The following KAT6B variants were observed in gnomAD, a reference collection of about 807,000 sequenced individuals.
The protein encoded by KAT6B is lysine acetyltransferase 6B, also known as histone acetyltransferase KAT6B.
A neutral mutation model predicts 187.5 loss-of-function variants in KAT6B; 10 were observed. The ratio of observed to expected loss-of-function variants is 0.05; its 90% CI spans 0.03 to 0.09. The LOEUF (loss-of-function observed/expected upper bound fraction) is 0.09. KAT6B is among the 10% of genes least tolerant of loss of function. The pLI is 1.00. For synonymous variants in KAT6B, 861 were observed against 926.8 expected (o/e 0.93, Z 1.29); for missense variants, 1,952 against 2,558.9 (o/e 0.76, Z 5.12).
At chr10:74,948,659 A>C (rs181884981) in intron 3 of KAT6B, among the ~76,000 whole-genome samples, 11 of 152,354 alleles carry the variant, frequency 7.2e-5, no homozygotes, top group South Asian at 2.1e-4. Context: ...CCTTGGGGCA[A>C]CTGCAGAAGC....
chr10:75,025,026 G>A lies in KAT6B; in HGVS notation c.3441G>A (p.Glu1147=), dbSNP rs758137929. Residue 1147 remains glutamate, a synonymous_variant, in exon 17 of 18, where the codon GAG becomes GAA. Coordinates refer to ENST00000287239, the MANE Select transcript of KAT6B (RefSeq NM_012330.4). ...GGATCAACAGCAGTGTAACAACAGA[G>A]ACCATTTCAGAGACGACAGAAGTAC... is the stretch of plus-strand genomic sequence containing the variant. ...RRRINSSVTT[E]TISETTEVLN... The A allele has an allele frequency of 1.2e-6, 2 of 1,614,214 alleles. No individual in the cohort carries two copies. The highest frequency in any genetic ancestry group is 1.7e-6 in the Non-Finnish European group (2 of 1,180,042).
intron 15 of KAT6B, 72 bp downstream of exon 15, chr10:75,021,357 T>A: frequency 6.6e-7 from 1 of 1,519,166 alleles, no homozygotes; most frequent in Non-Finnish European, 9.1e-7. Context: ...AGAAAGTCAT[T>A]AAGATCGTTG....
intron 1 of KAT6B, among the ~76,000 whole-genome samples, chr10:74,831,146 A>G (rs1358346232): frequency 1.3e-5 from 2 of 151,944 alleles, no homozygotes; most frequent in African/African-American, 4.8e-5. Context: ...GTTCTGTTCA[A>G]GTCTTTCCCA....
intron 3 of KAT6B, among the ~76,000 whole-genome samples, chr10:74,940,218 T>C (rs1208721420): frequency 6.6e-6 from 1 of 152,064 alleles, no homozygotes; most frequent in African/African-American, 2.4e-5. Context: ...AACAAAATAG[T>C]GCTCACATTG....
At chr10:74,864,172 G>A (rs1463216837) in intron 3 of KAT6B, among the ~76,000 whole-genome samples, 2 of 151,916 alleles carry the variant, frequency 1.3e-5, no homozygotes, top group Non-Finnish European at 2.9e-5. Context: ...GGGTTCAAGT[G>A]ATTCTCTTGC....
chr10:74,984,102 T>C (rs1292796079), intron 11 of KAT6B: 1 of 152,220 alleles, frequency 6.6e-6, no homozygotes, highest in Non-Finnish European at 1.5e-5. Context: ...GTAAACTTCC[T>C]TTAATTAAAG....
intron 1 of KAT6B, 42 bp downstream of exon 1, chr10:74,826,827 G>C (rs1249583634): frequency 6.6e-6 from 1 of 151,660 alleles, no homozygotes; most frequent in East Asian, 2.0e-4. Flanking sequence ...GAGGAGACTG[G>C]GCGGGAGGGG....
intron 13 of KAT6B, among the ~76,000 whole-genome samples, chr10:75,007,598 G>A (rs774410161): frequency 2.0e-5 from 3 of 152,116 alleles, no homozygotes; most frequent in South Asian, 2.1e-4. Flanking sequence ...TGGCTGGAGC[G>A]GATAGAAAGT....
chr10:74,868,373 C>T (rs533982017), intron 3 of KAT6B, among the ~76,000 whole-genome samples: 6 of 152,238 alleles, frequency 3.9e-5, no homozygotes, highest in African/African-American at 1.4e-4. Flanking sequence ...ATATGGCTTC[C>T]ATTTCAGTTT....
chr10:74,889,801 T>C (rs1338198137), intron 3 of KAT6B, among the ~76,000 whole-genome samples: 2 of 152,186 alleles, frequency 1.3e-5, no homozygotes, highest in African/African-American at 4.8e-5. Context: ...CAGGCTCTGC[T>C]TGGATCCTGT....
intron 3 of KAT6B, among the ~76,000 whole-genome samples, chr10:74,851,445 T>C (rs750041130): frequency 2.0e-5 from 3 of 151,878 alleles, no homozygotes; most frequent in Non-Finnish European, 4.4e-5. Flanking sequence ...GCAATTCTCC[T>C]GCCTCAGCCT....
chr10:74,922,695 G>A (rs1848222730), intron 3 of KAT6B, among the ~76,000 whole-genome samples: 1 of 152,188 alleles, frequency 6.6e-6, no homozygotes, highest in South Asian at 2.1e-4. Flanking sequence ...ATAGCGTTAA[G>A]CAAAAGGATG....
Position 74,842,816 on chromosome 10 carries a change from C to A in KAT6B, c.-42C>A, listed in dbSNP as rs752466778. On this transcript the variant is annotated 5_prime_UTR_variant, in exon 3 of 18. Transcript: ENST00000287239. ...AAGTTCTGTTAAATACAAAGAGAAC[C>A]TCTATGGGTAACTTTTGTGTTGAAG... is the stretch of plus-strand genomic sequence containing the variant. The A allele has an allele frequency of 4.3e-6, 7 of 1,610,576 alleles. No individual in the cohort carries two copies. The South Asian group carries it at 7.7e-5, about 18-fold the overall frequency.
intron 3 of KAT6B, among the ~76,000 whole-genome samples, chr10:74,947,064 A>G (rs1840003896): frequency 6.6e-6 from 1 of 152,070 alleles, no homozygotes; most frequent in African/African-American, 2.4e-5. Context: ...CAGTGGCACG[A>G]TCTTGGCTCA....
chr10:74,871,268 C>T (rs1349391561), intron 3 of KAT6B, among the ~76,000 whole-genome samples: 1 of 147,006 alleles, frequency 6.8e-6, no homozygotes, highest in South Asian at 2.2e-4. Context: ...TCTCAGCTCA[C>T]TGCAAGCCCT....
chr10:74,978,217 T>G (rs1021796270), intron 9 of KAT6B, among the ~76,000 whole-genome samples: 1 of 152,210 alleles, frequency 6.6e-6, no homozygotes, highest in Non-Finnish European at 1.5e-5. Context: ...TCAGAGCTAT[T>G]GGGTATTTCC....
intron 3 of KAT6B, among the ~76,000 whole-genome samples, chr10:74,941,666 A>G (rs894493734): frequency 6.6e-6 from 1 of 152,190 alleles, no homozygotes; most frequent in African/African-American, 2.4e-5. Context: ...ATAGCGAGCA[A>G]AGAAATTCGG....
At chr10:74,989,526 A>T (rs1460094316) in intron 13 of KAT6B, among the ~76,000 whole-genome samples, 1 of 152,234 alleles carries the variant, frequency 6.6e-6, no homozygotes, top group African/African-American at 2.4e-5. Context: ...GAAAAGGTAT[A>T]TTTCCATTTA....
chr10:74,888,522 A>C (rs1385228914), intron 3 of KAT6B, among the ~76,000 whole-genome samples: 1 of 152,206 alleles, frequency 6.6e-6, no homozygotes, highest in Non-Finnish European at 1.5e-5. Context: ...TTACACATTA[A>C]AGCAACTAGA....
Sources: allele counts gnomAD v4.1 joint callset (sites outside exome capture counted in the v4.1 genomes callset), GRCh38; gene constraint gnomAD v4.1.1; transcripts MANE v1.5; gene names NCBI Gene and HGNC (gene_info 2026-07-23, HGNC 2026-07-21).